Variants in SLC25A32 observed in about 807,000 individuals in gnomAD.
The protein encoded by SLC25A32 is solute carrier family 25 member 32, also known as Glycine auxotroph B, complementation of hamster.
SLC25A32 carries 32 observed loss-of-function variants against 39.0 expected under a neutral mutation model. The observed-to-expected ratio is 0.82, with a 90% CI of 0.62 to 1.10. The LOEUF is 1.10. Among genes scored for constraint, SLC25A32 ranks in the 50% least tolerant of loss-of-function variants. SLC25A32 has a pLI of 0.00. For missense variants in SLC25A32, 367 were observed against 395.3 expected (o/e 0.93, Z 0.61); for synonymous variants, 166 against 152.4 (o/e 1.09, Z -0.66).
intron 1 of SLC25A32, among the ~76,000 whole-genome samples, chr8:103,413,339 A>T (rs1816506357): frequency 6.6e-6 from 1 of 152,232 alleles, no homozygotes; most frequent in Non-Finnish European, 1.5e-5. Context: ...AAATTCTTCC[A>T]ATGTTCAAAC....
rs775724467 is a variant in SLC25A32 at position 103,400,422 on chromosome 8, T to C, written c.937A>G (p.Lys313Glu). 2.5e-6 allele frequency: 4 copies of C among 1,614,152 alleles called. No homozygotes were observed. In the South Asian group the frequency reaches 3.3e-5, roughly 13 times the overall value. The stretch of plus-strand genomic sequence containing the variant: ...TGTCCTCTTTGAGCTTACTTTCTCT[T>C]TTCTCTAAGGTCAAGTAAAAAATGT... ...VSHFLLDLREKRK is the reference protein window; with the variant it reads ...VSHFLLDLREERK The change falls in exon 7 of 7, where the codon AAG (lysine) becomes GAG (glutamate). Residue 313 changes from lysine (K) to glutamate (E), a missense_variant. Physicochemically the swap from Lys to Glu is moderately conservative, Grantham distance 56 (BLOSUM62 1). Coordinates refer to ENST00000297578, the MANE Select transcript of SLC25A32 (RefSeq NM_030780.5).
At chr8:103,410,003 T>C (rs1023245483) in intron 1 of SLC25A32, among the ~76,000 whole-genome samples, 4 of 152,186 alleles carry the variant, frequency 2.6e-5, no homozygotes, top group African/African-American at 9.7e-5. Context: ...CTGCATAGTT[T>C]ATAAACTTTC....
chr8:103,411,702 T>C (rs967688102), intron 1 of SLC25A32, among the ~76,000 whole-genome samples: 1 of 152,192 alleles, frequency 6.6e-6, no homozygotes, highest in Middle Eastern at 3.2e-3. Flanking sequence ...TTCCACCAAA[T>C]AGGGGTGGTG....
chr8:103,411,359 T>A (rs1003816962), intron 1 of SLC25A32, among the ~76,000 whole-genome samples: 1 of 152,124 alleles, frequency 6.6e-6, no homozygotes, highest in Admixed American at 6.5e-5. Context: ...TCCTCTTTGA[T>A]CTCAGTGCCC....
intron 2 of SLC25A32, among the ~76,000 whole-genome samples, chr8:103,406,003 T>C (rs1816322277): frequency 6.6e-6 from 1 of 151,804 alleles, no homozygotes; most frequent in South Asian, 2.1e-4. Flanking sequence ...TTATATGGCT[T>C]GTCCTTAGAA....
chr8:103,407,061 TAACA>T (rs1563718789), intron 2 of SLC25A32, among the ~76,000 whole-genome samples: 1 of 152,138 alleles, frequency 6.6e-6, no homozygotes, highest in African/African-American at 2.4e-5. Context: ...CACTAATAAA[TAACA>T]AACCGACTGA....
In SLC25A32 at chr8:103,407,621, C is replaced by G. The variant is rs1334048105; in HGVS notation, c.305+13G>C. On this transcript the variant is annotated intron_variant, in intron 2 of 6. Transcript: ENST00000297578. ...TTTAATTTAATACTGTAAAATCTCC[C>G]AAATCTACTCACAAGAAAAAGTAGA... The G allele has an allele frequency of 1.3e-6, 2 of 1,509,166 alleles. No homozygotes were observed. Among genetic ancestry groups the G allele is most frequent in the Non-Finnish European group, 1.8e-6 (2 of 1,121,564 alleles). 93.5% of individuals were successfully genotyped at this position (1,509,166 alleles called of 1,614,324 possible). A position where few individuals can be genotyped will look rare whatever the true frequency, so the allele number is the denominator to read the frequency against.
chr8:103,403,042 T>C (rs1423884520), intron 4 of SLC25A32, 122 bp downstream of exon 4: 5 of 579,388 alleles, frequency 8.6e-6, no homozygotes, highest in East Asian at 5.8e-5. Flanking sequence ...TTTCATTAAA[T>C]TGTTTTTTGC....
At position 103,401,550 on chromosome 8, in the gene SLC25A32, T is replaced by A. The variant is rs774089760; in HGVS notation, c.778A>T (p.Ser260Cys). 1 of 1,613,770 alleles carries A rather than the reference T, an allele frequency of 6.2e-7. No homozygotes were observed. The highest frequency in any genetic ancestry group is 8.5e-7 in the Non-Finnish European group (1 of 1,179,830). The change falls in exon 6 of 7, where the codon AGT (serine) becomes TGT (cysteine). Residue 260 changes from serine (S) to cysteine (C), a missense_variant. Coordinates refer to ENST00000297578, the MANE Select transcript of SLC25A32 (RefSeq NM_030780.5). ...TTTGTGATTACATCTATTACACCAC[T>A]GTAAAACATGTGTTGATCCTGAAGA... The part of the protein sequence containing the change: ...ARLQDQHMFY[S>C]GVIDVITKTW...
intron 3 of SLC25A32, 65 bp downstream of exon 3, chr8:103,404,711 T>C (rs1363584197): frequency 1.7e-6 from 2 of 1,176,066 alleles, no homozygotes; most frequent in African/African-American, 1.5e-5. Context: ...AGAAAAGAAA[T>C]CAAAAACCAA....
In SLC25A32 at chr8:103,414,894, C is replaced by G. The variant is rs1278619606; in HGVS notation, c.44G>C (p.Ser15Thr). 8 of 1,612,316 alleles carry G rather than the reference C, an allele frequency of 5.0e-6. No individual in the cohort carries two copies. The highest frequency in any genetic ancestry group is 3.3e-5 in the South Asian group (3 of 90,940). ...GQSASGSSAWSTVFRHVRYEN... is the reference protein window; with the variant it reads ...GQSASGSSAWTTVFRHVRYEN... ...ATACCGGACGTGGCGGAATACCGTGCTCCACGCCGACGACCCGGACGCCGA... is the reference window on the plus strand; with the variant it reads ...ATACCGGACGTGGCGGAATACCGTGGTCCACGCCGACGACCCGGACGCCGA... Residue 15 changes from serine to threonine, a missense_variant, in exon 1 of 7, where the codon AGC (serine) becomes ACC (threonine). Ser to Thr is a moderately conservative substitution (Grantham distance 58). Transcript: ENST00000297578.
Position 103,402,843 on chromosome 8 carries a change from T to C in SLC25A32, c.552+321A>G, listed in dbSNP as rs188527114. 1.4e-3 allele frequency: 222 copies of C among 164,412 alleles called. 1 individual carries two copies. The highest frequency in any genetic ancestry group is 5.1e-3 in the African/African-American group (213 of 42,062). The allele number at this position is 164,412 out of a possible 1,614,324, so 10.2% of individuals were successfully genotyped here. A position where few individuals can be genotyped will look rare whatever the true frequency, so the allele number is the denominator to read the frequency against. ...CTTCTCCAGACTACATTATCCCAGGTCCCCAAGAGACCACAGCTTCCAAGG... is the reference window on the plus strand; with the variant it reads ...CTTCTCCAGACTACATTATCCCAGGCCCCCAAGAGACCACAGCTTCCAAGG... On this transcript the variant is annotated intron_variant, in intron 4 of 6. Transcript: ENST00000297578.
chr8:103,412,375 T>G (rs908417451), intron 1 of SLC25A32, among the ~76,000 whole-genome samples: 20 of 152,242 alleles, frequency 1.3e-4, no homozygotes, highest in African/African-American at 4.1e-4. Context: ...TTACATCTCA[T>G]TCTTTGTTGG....
chr8:103,399,005 G>C lies in SLC25A32; in HGVS notation c.*1406C>G, dbSNP rs2130431357. 1 of 152,322 alleles carries C rather than the reference G, an allele frequency of 6.6e-6. No individual in the cohort carries two copies. Among genetic ancestry groups the C allele is most frequent in the African/African-American group, 2.4e-5 (1 of 41,580 alleles). The allele number at this position is 152,322 out of a possible 1,614,324, so 9.4% of individuals were successfully genotyped here. A position where few individuals can be genotyped will look rare whatever the true frequency, so the allele number is the denominator to read the frequency against. On this transcript the variant is annotated 3_prime_UTR_variant, in exon 7 of 7. Transcript: ENST00000297578. ...TTTTATTTACAACAAATAGATGGTA[G>C]TGCAACAGCACTCGTGGATGTTTAC...
rs766681889 is a variant in SLC25A32, at chr8:103,414,808, C to G, written c.130G>C (p.Asp44His). ...CCGGCGAAGCGGATCTTCACGAGGT[C>G]GAGCGGATGCAGCGCAAGGTTGGAT... ...VLSNLALHPL[D>H]LVKIRFAVSD... Residue 44 changes from aspartate (D) to histidine (H), a missense_variant, in exon 1 of 7, where the codon GAC (aspartate) becomes CAC (histidine). By Grantham distance (81) the Asp-to-His change is moderately conservative (BLOSUM62 -1). Coordinates refer to ENST00000297578, the MANE Select transcript of SLC25A32 (RefSeq NM_030780.5). 6.2e-7 allele frequency: 1 copy of G among 1,613,774 alleles called. No individual in the cohort carries two copies. Among genetic ancestry groups the G allele is most frequent in the Non-Finnish European group, 8.5e-7 (1 of 1,180,042 alleles).
At chr8:103,401,832 G>T (rs1816225067) in intron 5 of SLC25A32, 109 bp downstream of exon 5, 1 of 999,086 alleles carries the variant, frequency 1.0e-6, no homozygotes, top group Non-Finnish European at 1.5e-6. Flanking sequence ...CAGTGGCAGA[G>T]CCAGTACTCA....
chr8:103,404,929 AAG>A (rs1411060523), intron 2 of SLC25A32, 68 bp from the exon 3 acceptor site: 17 of 1,088,660 alleles, frequency 1.6e-5, no homozygotes, highest in Non-Finnish European at 2.1e-5. Context: ...AAGTGTATGT[AAG>A]TCAACAGCAG....
intron 3 of SLC25A32, 85 bp from the exon 4 acceptor site, chr8:103,403,409 TAA>T (rs11447002): frequency 0.064 from 15,725 of 246,334 alleles, no homozygotes; most frequent in East Asian, 0.099. Context: ...TACATTTATG[TAA>T]AAAAAAAAAA....
chr8:103,404,944 C>A, intron 2 of SLC25A32, 83 bp from the exon 3 acceptor site: 2 of 862,570 alleles, frequency 2.3e-6, no homozygotes, highest in Non-Finnish European at 3.7e-6. Flanking sequence ...AACAGCAGTA[C>A]CCCAAAAGCA....
Sources: gnomAD v4.1 joint callset for allele counts (sites outside exome capture counted in the v4.1 genomes callset) on GRCh38, gnomAD v4.1.1 for gene constraint, MANE v1.5 for transcripts, NCBI Gene and HGNC (gene_info 2026-07-23, HGNC 2026-07-21) for gene names.